C12orf42: variants seen among roughly 807,000 people sequenced by gnomAD.
C12orf42 encodes the protein chromosome 12 open reading frame 42.
In C12orf42, 25 loss-of-function variants were observed where a neutral mutation model predicts 21.6. The observed-to-expected ratio is 1.16, with a 90% CI of 0.84 to 1.62. C12orf42 has a LOEUF of 1.62. Among genes scored for constraint, C12orf42 ranks in the 40% most tolerant of loss-of-function variants. The pLI, the probability that C12orf42 is intolerant of heterozygous loss-of-function variation, is 0.00. For synonymous variants in C12orf42, 174 were observed against 175.0 expected (o/e 0.99, Z 0.05); for missense variants, 483 against 459.3 (o/e 1.05, Z -0.47).
intron 4 of C12orf42, among the ~76,000 whole-genome samples, chr12:103,355,468 A>T (rs1022957872): frequency 1.3e-5 from 2 of 152,138 alleles, no homozygotes. Context: ...TGAAAGGAAG[A>T]TGATCATTTC....
At chr12:103,533,989 G>A in the C12orf42 span, among the ~76,000 whole-genome samples, 2 of 152,104 alleles carry the variant, frequency 1.3e-5, no homozygotes, top group African/African-American at 4.8e-5. Flanking sequence ...TGCTTCATGT[G>A]GTCATTGTAC....
the C12orf42 span, among the ~76,000 whole-genome samples, chr12:103,091,517 A>G: frequency 9.6e-4 from 146 of 152,338 alleles, no homozygotes; most frequent in African/African-American, 3.4e-3. Flanking sequence ...GGTTTGGGAT[A>G]GAAACAGGAG....
the C12orf42 span, among the ~76,000 whole-genome samples, chr12:103,207,436 G>C: frequency 1.3e-5 from 2 of 152,214 alleles, no homozygotes; most frequent in African/African-American, 4.8e-5. Flanking sequence ...AGTTTAAAAT[G>C]CGTGCGCACA....
chr12:103,425,041 T>TC (rs1949691686), intron 2 of C12orf42, among the ~76,000 whole-genome samples: 1 of 152,102 alleles, frequency 6.6e-6, no homozygotes, highest in Admixed American at 6.5e-5. Context: ...TAGGTGGATT[T>TC]CCCCTCACAG....
intron 1 of C12orf42, among the ~76,000 whole-genome samples, chr12:103,495,216 G>A (rs1955441608): frequency 6.6e-6 from 1 of 151,650 alleles, no homozygotes; most frequent in Non-Finnish European, 1.5e-5. Flanking sequence ...ACCACTTGGG[G>A]GGAATTAAAA....
the C12orf42 span, among the ~76,000 whole-genome samples, chr12:103,177,632 T>G: frequency 6.6e-6 from 1 of 152,212 alleles, no homozygotes; most frequent in Admixed American, 6.5e-5. Context: ...AAAACTGACT[T>G]TCTTTTACAA....
At chr12:103,311,840 G>T (rs1230139357) in intron 4 of C12orf42, among the ~76,000 whole-genome samples, 2 of 152,168 alleles carry the variant, frequency 1.3e-5, no homozygotes, top group Non-Finnish European at 2.9e-5. Context: ...CCTAGTATCT[G>T]TTCACGGTAA....
chr12:103,477,312 G>A (rs117520978), intron 2 of C12orf42, among the ~76,000 whole-genome samples: 2,069 of 152,140 alleles, frequency 0.014, 22 homozygotes, highest in Middle Eastern at 0.041. Flanking sequence ...AGAATCTCTC[G>A]GTGAAAGTGT....
At chr12:103,390,930 T>C (rs895651079) in intron 3 of C12orf42, among the ~76,000 whole-genome samples, 3 of 152,228 alleles carry the variant, frequency 2.0e-5, no homozygotes, top group Non-Finnish European at 4.4e-5. Context: ...AATGCTAATC[T>C]CTTTTAAAAA....
At chr12:103,265,265 CAG>C (rs1206350098), downstream of C12orf42, among the ~76,000 whole-genome samples, 2 of 152,130 alleles carry the variant, frequency 1.3e-5, no homozygotes, top group East Asian at 3.9e-4. Context: ...CACAGACATT[CAG>C]TCCATAACAC....
chr12:103,204,487 G>T, the C12orf42 span, among the ~76,000 whole-genome samples: 5 of 152,196 alleles, frequency 3.3e-5, no homozygotes, highest in South Asian at 1.0e-3. Context: ...TATCTTTGCA[G>T]GTCTCTTTTG....
chr12:103,181,092 T>A, the C12orf42 span, among the ~76,000 whole-genome samples: 3 of 151,508 alleles, frequency 2.0e-5, no homozygotes, highest in Admixed American at 2.0e-4. Flanking sequence ...TGAAACCCCG[T>A]CTCTACTAAA....
intron 2 of C12orf42, among the ~76,000 whole-genome samples, chr12:103,461,932 C>CA: frequency 6.6e-6 from 1 of 151,782 alleles, no homozygotes; most frequent in South Asian, 2.1e-4. Flanking sequence ...TAATATGTTT[C>CA]AAAGAAAAAT....
intron 2 of C12orf42, among the ~76,000 whole-genome samples, chr12:103,440,694 G>A (rs1320915866): frequency 1.3e-5 from 2 of 152,046 alleles, no homozygotes; most frequent in Non-Finnish European, 2.9e-5. Context: ...GTCAAGAGTG[G>A]CACAGAATTA....
chr12:103,166,051 A>G, the C12orf42 span, among the ~76,000 whole-genome samples: 2 of 144,058 alleles, frequency 1.4e-5, no homozygotes, highest in Non-Finnish European at 3.0e-5. Context: ...AAAAAAAAAG[A>G]AAGAAAAAAG....
At chr12:103,097,290 G>A in the C12orf42 span, among the ~76,000 whole-genome samples, 2 of 152,154 alleles carry the variant, frequency 1.3e-5, no homozygotes, top group East Asian at 3.9e-4. Flanking sequence ...AGCACTTCTT[G>A]TGAAATGCTA....
chr12:103,387,797 A>G (rs537380439), intron 3 of C12orf42, among the ~76,000 whole-genome samples: 1 of 152,320 alleles, frequency 6.6e-6, no homozygotes, highest in South Asian at 2.1e-4. Flanking sequence ...TGTTTGTCAA[A>G]TGAACAGATG....
At chr12:103,243,725 A>T (rs1301850816) in intron 10 of C12orf42, among the ~76,000 whole-genome samples, 2 of 152,170 alleles carry the variant, frequency 1.3e-5, no homozygotes, top group African/African-American at 2.4e-5. Flanking sequence ...AATTTTATAA[A>T]AATGCTCAGA....
chr12:103,302,907 G>A (rs929304592), intron 5 of C12orf42, among the ~76,000 whole-genome samples: 1 of 152,092 alleles, frequency 6.6e-6, no homozygotes. Flanking sequence ...AATAGGGCCC[G>A]AACTTCTAAA....
Sources: allele counts gnomAD v4.1 joint callset (sites outside exome capture counted in the v4.1 genomes callset), GRCh38; gene constraint gnomAD v4.1.1; transcripts MANE v1.5; gene names NCBI Gene and HGNC (gene_info 2026-07-23, HGNC 2026-07-21).